The following PPM1L variants were observed in gnomAD, a reference collection of about 807,000 sequenced individuals.
The protein encoded by PPM1L is protein phosphatase, Mg2+/Mn2+ dependent 1L.
A neutral mutation model predicts 31.4 loss-of-function variants in PPM1L; 13 were observed. The ratio of observed to expected loss-of-function variants is 0.41; its 90% CI spans 0.27 to 0.66. The LOEUF (loss-of-function observed/expected upper bound fraction) is 0.66. PPM1L is among the 30% of genes least tolerant of loss of function. The pLI is 0.29. For synonymous variants in PPM1L, 184 were observed against 175.4 expected (o/e 1.05, Z -0.39); for missense variants, 326 against 453.7 (o/e 0.72, Z 2.56).
intron 1 of PPM1L, among the ~76,000 whole-genome samples, chr3:160,787,446 G>A (rs994614935): frequency 6.6e-6 from 1 of 151,994 alleles, no homozygotes; most frequent in African/African-American, 2.4e-5. Context: ...TTTTGATGGG[G>A]TTGTTTTTTG....
intron 1 of PPM1L, among the ~76,000 whole-genome samples, chr3:160,858,388 A>G (rs1008809492): frequency 2.6e-5 from 4 of 152,168 alleles, no homozygotes; most frequent in African/African-American, 9.7e-5. Context: ...CTAGGATTGC[A>G]GGAGCCTGCC....
intron 1 of PPM1L, among the ~76,000 whole-genome samples, chr3:160,940,195 T>C (rs931456470): frequency 2.0e-5 from 3 of 152,162 alleles, no homozygotes; most frequent in Non-Finnish European, 4.4e-5. Context: ...AAGAGGTGAC[T>C]TGGGTACTGT....
intron 2 of PPM1L, among the ~76,000 whole-genome samples, chr3:160,977,272 C>T (rs1441494770): frequency 6.6e-6 from 1 of 152,096 alleles, no homozygotes; most frequent in Non-Finnish European, 1.5e-5. Context: ...TGGAGGAGCT[C>T]CTGGATGTGC....
At chr3:161,036,742 A>G (rs1718752908) in intron 2 of PPM1L, among the ~76,000 whole-genome samples, 1 of 152,190 alleles carries the variant, frequency 6.6e-6, no homozygotes. Context: ...TGTGGTCACC[A>G]GTCAGGGAAG....
At chr3:160,849,617 A>G (rs1282565431) in intron 1 of PPM1L, among the ~76,000 whole-genome samples, 1 of 145,474 alleles carries the variant, frequency 6.9e-6, no homozygotes, top group Non-Finnish European at 1.5e-5. Flanking sequence ...GTAGAGACGC[A>G]GTTTCACTGT....
chr3:160,936,158 C>T (rs1469137646), intron 1 of PPM1L, among the ~76,000 whole-genome samples: 3 of 152,074 alleles, frequency 2.0e-5, no homozygotes, highest in South Asian at 2.1e-4. Context: ...GGCACAATCT[C>T]GACTCACTGC....
intron 3 of PPM1L, among the ~76,000 whole-genome samples, chr3:161,065,967 T>C (rs1478189321): frequency 6.6e-6 from 1 of 152,232 alleles, no homozygotes; most frequent in African/African-American, 2.4e-5. Flanking sequence ...CCCATAAAAC[T>C]CAGTTTAAGG....
At chr3:160,868,671 A>G (rs1156680902) in intron 1 of PPM1L, among the ~76,000 whole-genome samples, 4 of 151,750 alleles carry the variant, frequency 2.6e-5, no homozygotes, top group Admixed American at 2.6e-4. Flanking sequence ...TTATTTTAGT[A>G]AAGTGGACAG....
chr3:160,783,859 G>C (rs1008104811), intron 1 of PPM1L, among the ~76,000 whole-genome samples: 7 of 152,080 alleles, frequency 4.6e-5, no homozygotes, highest in African/African-American at 1.4e-4. Context: ...TATATTCTAA[G>C]GAATCAGGTA....
chr3:160,882,572 T>TA (rs1183083705), intron 1 of PPM1L, among the ~76,000 whole-genome samples: 5 of 152,222 alleles, frequency 3.3e-5, no homozygotes, highest in African/African-American at 1.2e-4. Context: ...TCCACTGTCA[T>TA]ATGACCTCAT....
At chr3:160,889,823 C>T (rs529733466) in intron 1 of PPM1L, among the ~76,000 whole-genome samples, 2 of 152,310 alleles carry the variant, frequency 1.3e-5, no homozygotes, top group South Asian at 4.1e-4. Context: ...TCAGCTTCAT[C>T]CCTGGGATGC....
At chr3:160,968,978 A>G (rs1716239438) in intron 2 of PPM1L, among the ~76,000 whole-genome samples, 1 of 152,192 alleles carries the variant, frequency 6.6e-6, no homozygotes. Context: ...CAATGTGGAA[A>G]ATGCACTTAC....
chr3:160,916,453 A>G (rs564788121), intron 1 of PPM1L, among the ~76,000 whole-genome samples: 2 of 152,280 alleles, frequency 1.3e-5, no homozygotes, highest in Admixed American at 1.3e-4. Context: ...TACTGTAATA[A>G]AAATAATGGT....
Position 161,049,579 on chromosome 3 carries a change from A to G in PPM1L, c.575-15824A>G, listed in dbSNP as rs1478706895. ...GTTCAAAATCTTCGTCTTCTACTCAAAAGCAATCTGATATTGGTGAGCTTC... is the reference window on the plus strand; with the variant it reads ...GTTCAAAATCTTCGTCTTCTACTCAGAAGCAATCTGATATTGGTGAGCTTC... On this transcript the variant is annotated intron_variant, in intron 2 of 3. Coordinates refer to ENST00000498165, the MANE Select transcript of PPM1L (RefSeq NM_139245.4). Among the ~76,000 whole-genome samples the G allele has an allele frequency of 3.3e-5, 5 of 152,156 alleles. No individual in the cohort carries two copies. The South Asian group carries it at 8.3e-4, about 25-fold the overall frequency.
intron 1 of PPM1L, among the ~76,000 whole-genome samples, chr3:160,955,758 C>G (rs981853983): frequency 2.2e-4 from 33 of 151,078 alleles, no homozygotes; most frequent in Admixed American, 4.0e-4. Flanking sequence ...TCACGCCATT[C>G]TCCTGCCTCA....
chr3:161,060,372 T>C (rs1383633107), intron 2 of PPM1L, among the ~76,000 whole-genome samples: 1 of 152,048 alleles, frequency 6.6e-6, no homozygotes, highest in Non-Finnish European at 1.5e-5. Flanking sequence ...TGGTGTGACA[T>C]GATATTAGAC....
chr3:160,875,936 T>C (rs2108033374), intron 1 of PPM1L, among the ~76,000 whole-genome samples: 1 of 152,344 alleles, frequency 6.6e-6, no homozygotes, highest in East Asian at 1.9e-4. Flanking sequence ...ACACAAATTC[T>C]CGCCCTTTTC....
intron 1 of PPM1L, among the ~76,000 whole-genome samples, chr3:160,916,845 C>T (rs1026152637): frequency 6.6e-6 from 1 of 151,996 alleles, no homozygotes; most frequent in Non-Finnish European, 1.5e-5. Context: ...TCAGGCCCTC[C>T]AAATAGGAAA....
intron 1 of PPM1L, among the ~76,000 whole-genome samples, chr3:160,944,802 CATATATAACATATAT>C (rs1326871491): frequency 2.8e-4 from 4 of 14,314 alleles, no homozygotes; most frequent in African/African-American, 6.0e-4. Flanking sequence ...TTATATATAA[CATATATAACATATAT>C]ATGTTATATA....
Sources: gnomAD v4.1 joint callset for allele counts (sites outside exome capture counted in the v4.1 genomes callset) on GRCh38, gnomAD v4.1.1 for gene constraint, MANE v1.5 for transcripts, NCBI Gene and HGNC (gene_info 2026-07-23, HGNC 2026-07-21) for gene names.